The following PPARA variants were observed in gnomAD, a reference collection of about 807,000 sequenced individuals.
The protein encoded by PPARA is peroxisome proliferator-activated receptor alpha.
Under a neutral mutation model 42.2 loss-of-function variants are expected in PPARA, and 22 were observed. The observed-to-expected ratio is 0.52, with a 90% confidence interval of 0.37 to 0.74. PPARA has a LOEUF of 0.74. Among genes scored for constraint, PPARA ranks in the 30% least tolerant of loss-of-function variants. The probability of loss-of-function intolerance (pLI) is 0.00; values close to 1 mark genes in which losing one functional copy is unlikely to be tolerated. For missense variants in PPARA, 465 were observed against 608.2 expected (o/e 0.76, Z 2.48); for synonymous variants, 242 against 239.3 (o/e 1.01, Z -0.10).
At chr22:46,181,977 T>C (rs1379235104) in intron 3 of PPARA, among the ~76,000 whole-genome samples, 1 of 152,158 alleles carries the variant, frequency 6.6e-6, no homozygotes, top group African/African-American at 2.4e-5. Context: ...TAGCTGGGAG[T>C]ACGGGTGTGC....
rs916444327 is a variant in PPARA at position 46,204,931 on chromosome 22, G to A, written c.208+6340G>A. On this transcript the variant is annotated intron_variant, in intron 4 of 8. Transcript: ENST00000407236. The surrounding 1 kb of genome is among the most constrained non-coding windows in gnomAD (Gnocchi z 5.2). ...TGCCCAGGCTAGAGTGCAGTGGTGC[G>A]ATCATGGCTTACTGCAGCCTTGACC... Among the ~76,000 whole-genome samples the A allele has an allele frequency of 5.3e-5, 8 of 151,772 alleles. No individual in the cohort carries two copies. The highest frequency in any genetic ancestry group is 1.3e-4 in the Admixed American group (2 of 15,230).
rs781554714 is a variant in PPARA, at chr22:46,227,617, T to C, written c.712-4175T>C. The stretch of plus-strand genomic sequence containing the variant: ...AGATGAATTCTCATGAGTGATATCA[T>C]TGAGCTTCGTAGGCCACATGAGTGT... On this transcript the variant is annotated intron_variant, in intron 7 of 8. Transcript: ENST00000407236. This position sits in a 1 kb window ranked among gnomAD's most constrained non-coding sequence, Gnocchi z 4.3. Among the ~76,000 whole-genome samples the C allele has an allele frequency of 2.0e-5, 3 of 152,182 alleles. No homozygotes were observed. Among genetic ancestry groups the C allele is most frequent in the Non-Finnish European group, 4.4e-5 (3 of 68,042 alleles).
rs1340048713 is a variant in PPARA at position 46,235,905 on chromosome 22, T to C, written c.*525T>C. The stretch of plus-strand genomic sequence containing the variant: ...AAAGACTTCACTTCTGTTTCCTGAA[T>C]CTAAAGAAAGACAACATGCTGCTTT... On this transcript the variant is annotated 3_prime_UTR_variant, in exon 9 of 9. Transcript: ENST00000407236. The surrounding 1 kb of genome is among the most constrained non-coding windows in gnomAD (Gnocchi z 7.0). 6.1e-6 allele frequency: 1 copy of C among 164,218 alleles called. No homozygotes were observed. Among genetic ancestry groups the C allele is most frequent in the South Asian group, 1.6e-4 (1 of 6,232 alleles). 10.2% of individuals were successfully genotyped at this position (164,218 alleles called of 1,614,324 possible). A position where few individuals can be genotyped will look rare whatever the true frequency, so the allele number is the denominator to read the frequency against.
rs1935096994 is a variant in PPARA at position 46,222,679 on chromosome 22, T to C, written c.711+2665T>C. On this transcript the variant is annotated intron_variant, in intron 7 of 8. Coordinates refer to ENST00000407236, the MANE Select transcript of PPARA (RefSeq NM_005036.6). The surrounding 1 kb of genome is among the most constrained non-coding windows in gnomAD (Gnocchi z 5.9). The stretch of plus-strand genomic sequence containing the variant: ...TGATTAGTACAGCCCAAAATTGGGA[T>C]GGCTAAAACTTTTGTTTGCCAGCTT... Among the ~76,000 whole-genome samples, 1 of 152,196 alleles carries C rather than the reference T, an allele frequency of 6.6e-6. No individual in the cohort carries two copies. The highest frequency in any genetic ancestry group is 2.4e-5 in the African/African-American group (1 of 41,442).
chr22:46,202,629 C>G (rs1932896350), intron 4 of PPARA, among the ~76,000 whole-genome samples: 1 of 151,938 alleles, frequency 6.6e-6, no homozygotes, highest in Non-Finnish European at 1.5e-5. Flanking sequence ...AGCTTAAGGA[C>G]ATATTTCTTA....
At position 46,198,400 on chromosome 22, in the gene PPARA, G is replaced by A. The variant is rs1250775321; in HGVS notation, c.17G>A (p.Ser6Asn). The A allele has an allele frequency of 6.2e-7, 1 of 1,613,886 alleles. No homozygotes were observed. Among genetic ancestry groups the A allele is most frequent in the Admixed American group, 1.7e-5 (1 of 60,002 alleles). Reference protein sequence around the residue: MVDTESPLCPLSPLEA... With the variant: MVDTENPLCPLSPLEA... ...CTGGTCGCGATGGTGGACACGGAAA[G>A]CCCACTCTGCCCCCTCTCCCCACTC... is the stretch of plus-strand genomic sequence containing the variant. Residue 6 changes from serine (S) to asparagine (N), a missense_variant, in exon 4 of 9, where the codon AGC becomes AAC. This residue lies in a region of PPARA where 152 missense variants were observed against 139.1 expected (regional missense o/e 1.09). Transcript: ENST00000407236.
intron 2 of PPARA, among the ~76,000 whole-genome samples, chr22:46,174,735 T>C (rs575447694): frequency 1.8e-4 from 27 of 152,126 alleles, no homozygotes; most frequent in Non-Finnish European, 3.4e-4. Flanking sequence ...GAGGATTGCT[T>C]GAGCCTGGGA....
chr22:46,163,572 A>G lies in PPARA; in HGVS notation c.-127+11602A>G, dbSNP rs1235240165. On this transcript the variant is annotated intron_variant, in intron 2 of 8. Coordinates refer to ENST00000407236, the MANE Select transcript of PPARA (RefSeq NM_005036.6). The surrounding 1 kb of genome is among the most constrained non-coding windows in gnomAD (Gnocchi z 4.9). ...GACTCCATTTGGTTTGATAGAAATG[A>G]GAGGTAGATGATTCCCTAGACAAAT... 6.6e-6 allele frequency: 1 copy of G among 152,242 alleles called. No individual in the cohort carries two copies. Among genetic ancestry groups the G allele is most frequent in the South Asian group, 2.1e-4 (1 of 4,836 alleles). The allele number at this position is 152,242 out of a possible 1,614,324, so 9.4% of individuals were successfully genotyped here.
intron 2 of PPARA, among the ~76,000 whole-genome samples, chr22:46,157,452 TG>T (rs2147108988): frequency 6.6e-6 from 1 of 152,296 alleles, no homozygotes; most frequent in East Asian, 1.9e-4. Flanking sequence ...TTCTTCCTTC[TG>T]TAGGGAGCAG....
In PPARA at chr22:46,162,908, C is replaced by T. The variant is rs1926427331; in HGVS notation, c.-127+10938C>T. 6.6e-6 allele frequency among the ~76,000 whole-genome samples: 1 copy of T among 152,258 alleles called. No homozygotes were observed. Among genetic ancestry groups the T allele is most frequent in the African/African-American group, 2.4e-5 (1 of 41,466 alleles). On this transcript the variant is annotated intron_variant, in intron 2 of 8. Transcript: ENST00000407236. The surrounding 1 kb of genome is among the most constrained non-coding windows in gnomAD (Gnocchi z 6.0). ...TAGGGGCATATGTCAGTCATTCATT[C>T]CTCAGTTCATGTATTTATTCAGCAA...
intron 3 of PPARA, among the ~76,000 whole-genome samples, chr22:46,198,066 TAA>T (rs572013724): frequency 3.6e-5 from 5 of 137,384 alleles, no homozygotes; most frequent in Admixed American, 7.4e-5. Flanking sequence ...CCGTCTCTAC[TAA>T]AAAAAAAAAA....
Position 46,224,571 on chromosome 22 carries a change from C to T in PPARA, c.711+4557C>T, listed in dbSNP as rs1022356272. Among the ~76,000 whole-genome samples, 2 of 152,216 alleles carry T rather than the reference C, an allele frequency of 1.3e-5. No homozygotes were observed. The highest frequency in any genetic ancestry group is 1.9e-4 in the East Asian group (1 of 5,190). On this transcript the variant is annotated intron_variant, in intron 7 of 8. Transcript: ENST00000407236. The surrounding 1 kb of genome is among the most constrained non-coding windows in gnomAD (Gnocchi z 5.7). ...CTGGGTGACCTCACAGCCCCAGCCA[C>T]GCCCCACAGAGCCTCAGGAAGGCAC...
intron 3 of PPARA, among the ~76,000 whole-genome samples, chr22:46,197,345 C>G (rs546672622): frequency 6.6e-6 from 1 of 152,190 alleles, no homozygotes; most frequent in East Asian, 1.9e-4. Context: ...CCACTGTGCC[C>G]GGCCCAGGGA....
At position 46,218,244 on chromosome 22, in the gene PPARA, C is replaced by T; in HGVS notation, c.370-19C>T. ...TCAGTGGCCCAGGTCTTTAAATCCA[C>T]TGTGTATTACCCTCACAGGGCTTCT... On this transcript the variant is annotated intron_variant, in intron 5 of 8. Transcript: ENST00000407236. The T allele has an allele frequency of 6.2e-7, 1 of 1,614,026 alleles. No individual in the cohort carries two copies. Among genetic ancestry groups the T allele is most frequent in the East Asian group, 2.2e-5 (1 of 44,880 alleles).
chr22:46,230,517 G>T lies in PPARA; in HGVS notation c.712-1275G>T, dbSNP rs529713117. On this transcript the variant is annotated intron_variant, in intron 7 of 8. Transcript: ENST00000407236. This position sits in a 1 kb window ranked among gnomAD's most constrained non-coding sequence, Gnocchi z 5.0. ...GATGTAAATTTCAGCCAACAGCAGTGTTTGTGCTCATTTTCCCCGGCTCTC... is the reference window on the plus strand; with the variant it reads ...GATGTAAATTTCAGCCAACAGCAGTTTTTGTGCTCATTTTCCCCGGCTCTC... Among the ~76,000 whole-genome samples, 1 of 152,354 alleles carries T rather than the reference G, an allele frequency of 6.6e-6. No homozygotes were observed. The highest frequency in any genetic ancestry group is 2.1e-4 in the South Asian group (1 of 4,834).
At chr22:46,177,029 T>G (rs1470193880) in intron 3 of PPARA, among the ~76,000 whole-genome samples, 193 bp downstream of exon 3, 3 of 152,120 alleles carry the variant, frequency 2.0e-5, no homozygotes, top group Non-Finnish European at 4.4e-5. Flanking sequence ...GCTAACACAG[T>G]GAAACCCTGT....
Position 46,232,800 on chromosome 22 carries a change from ACC to A in PPARA, c.1159+564_1159+565del, listed in dbSNP as rs978031803. On this transcript the variant is annotated intron_variant, in intron 8 of 8. Coordinates refer to ENST00000407236, the MANE Select transcript of PPARA (RefSeq NM_005036.6). The surrounding 1 kb of genome is among the most constrained non-coding windows in gnomAD (Gnocchi z 5.3). ...AGACCAGCCTGGGCAACATGGCAAG[ACC>A]CCGTCTCTACAAAAAAAAAAATAGA... is the stretch of plus-strand genomic sequence containing the variant. Among the ~76,000 whole-genome samples, 7 of 149,150 alleles carry A rather than the reference ACC, an allele frequency of 4.7e-5. No individual in the cohort carries two copies. Among genetic ancestry groups the A allele is most frequent in the Non-Finnish European group, 1.0e-4 (7 of 67,504 alleles).
intron 2 of PPARA, among the ~76,000 whole-genome samples, chr22:46,170,859 A>C (rs771999220): frequency 6.6e-6 from 1 of 151,706 alleles, no homozygotes; most frequent in Non-Finnish European, 1.5e-5. Flanking sequence ...AGAAAGAAGT[A>C]GGATAAAGTA....
intron 2 of PPARA, among the ~76,000 whole-genome samples, chr22:46,158,339 G>A (rs1176013677): frequency 1.3e-5 from 2 of 152,050 alleles, no homozygotes; most frequent in African/African-American, 2.4e-5. Context: ...CCCAGGAGTC[G>A]GAGGTTGCAG....
Sources: allele counts gnomAD v4.1 joint callset (sites outside exome capture counted in the v4.1 genomes callset), GRCh38; gene constraint gnomAD v4.1.1; regional missense constraint gnomAD v4.1.1; non-coding constraint Gnocchi (gnomAD v3.1); transcripts MANE v1.5; gene names NCBI Gene and HGNC (gene_info 2026-07-23, HGNC 2026-07-21).